LRRC4C: variants seen among roughly 807,000 people sequenced by gnomAD.
The protein encoded by LRRC4C is leucine rich repeat containing 4C.
A neutral mutation model predicts 33.6 loss-of-function variants in LRRC4C; 5 were observed. The observed-to-expected ratio is 0.15, with a 90% confidence interval of 0.08 to 0.31. The LOEUF is 0.31. Ranked by LOEUF, LRRC4C falls within the 10% of genes least tolerant of loss-of-function variation. LRRC4C has a pLI of 1.00. For synonymous variants in LRRC4C, 329 were observed against 302.0 expected (o/e 1.09, Z -0.93); for missense variants, 560 against 796.7 (o/e 0.70, Z 3.58).
rs117627598 is a variant in LRRC4C at position 40,221,516 on chromosome 11, C to T, written c.-96+20003G>A. On this transcript the variant is annotated intron_variant, in intron 5 of 6. Coordinates refer to ENST00000528697, the MANE Select transcript of LRRC4C (RefSeq NM_001258419.2). ...TAGATACCATTTCCATTTCTTCATT[C>T]AGTCCACAGATACTTATTTAGCCAG... Among the ~76,000 whole-genome samples the T allele has an allele frequency of 1.7e-3, 260 of 152,306 alleles. 2 individuals are homozygous for T. Among genetic ancestry groups the T allele is most frequent in the Non-Finnish European group, 2.1e-3 (140 of 68,022 alleles).
At chr11:40,797,768 C>T (rs892289309) in intron 2 of LRRC4C, among the ~76,000 whole-genome samples, 3 of 152,010 alleles carry the variant, frequency 2.0e-5, no homozygotes, top group African/African-American at 4.8e-5. Context: ...GATGGATTGC[C>T]ATTTAACTTG....
At chr11:40,955,691 G>T (rs944163617) in intron 1 of LRRC4C, among the ~76,000 whole-genome samples, 1 of 151,732 alleles carries the variant, frequency 6.6e-6, no homozygotes, top group Admixed American at 6.6e-5. Context: ...CTCATTAGGA[G>T]TTTATAAAAA....
chr11:40,188,294 T>C (rs780045745), intron 5 of LRRC4C, among the ~76,000 whole-genome samples: 8 of 152,204 alleles, frequency 5.3e-5, no homozygotes, highest in Non-Finnish European at 8.8e-5. Flanking sequence ...TTGCAAAATA[T>C]TTATTCTATT....
intron 3 of LRRC4C, among the ~76,000 whole-genome samples, chr11:40,519,180 G>A (rs921392879): frequency 5.9e-5 from 9 of 151,946 alleles, no homozygotes; most frequent in Admixed American, 5.2e-4. Context: ...CATGGCATGT[G>A]TATACATATG....
chr11:41,145,103 T>C (rs1408947116), intron 1 of LRRC4C, among the ~76,000 whole-genome samples: 2 of 152,138 alleles, frequency 1.3e-5, no homozygotes, highest in African/African-American at 2.4e-5. Context: ...GCAAAGCATA[T>C]AATCACAGCA....
chr11:40,966,028 A>C (rs1042949257), intron 1 of LRRC4C, among the ~76,000 whole-genome samples: 5 of 151,868 alleles, frequency 3.3e-5, no homozygotes, highest in Non-Finnish European at 7.4e-5. Flanking sequence ...ATTTGTTTGT[A>C]TCCTCTTTTA....
intron 2 of LRRC4C, among the ~76,000 whole-genome samples, chr11:40,737,719 G>A (rs1947954477): frequency 1.3e-5 from 2 of 152,106 alleles, no homozygotes; most frequent in Non-Finnish European, 2.9e-5. Context: ...GGAAATAAGA[G>A]AGGACACAAA....
chr11:40,295,205 T>C (rs1944449430), intron 4 of LRRC4C, among the ~76,000 whole-genome samples: 1 of 152,200 alleles, frequency 6.6e-6, no homozygotes, highest in African/African-American at 2.4e-5. Flanking sequence ...CTTTCTCCAA[T>C]GTATAATTTT....
At chr11:41,346,148 T>C (rs934328595) in intron 1 of LRRC4C, among the ~76,000 whole-genome samples, 2 of 152,156 alleles carry the variant, frequency 1.3e-5, no homozygotes, top group Non-Finnish European at 2.9e-5. Flanking sequence ...AGTTTTCATC[T>C]TCCTGGCTTG....
At chr11:40,170,698 G>A (rs1447324981) in intron 5 of LRRC4C, among the ~76,000 whole-genome samples, 1 of 152,182 alleles carries the variant, frequency 6.6e-6, no homozygotes, top group Non-Finnish European at 1.5e-5. Context: ...TCCAAGGTAG[G>A]AGAAAGGAGA....
chr11:40,165,520 A>G (rs1366650705), intron 5 of LRRC4C, among the ~76,000 whole-genome samples: 3 of 152,230 alleles, frequency 2.0e-5, no homozygotes, highest in East Asian at 1.9e-4. Flanking sequence ...ACAGAAAAAC[A>G]ACGACAAAAA....
At chr11:40,311,003 C>A (rs865897846) in intron 4 of LRRC4C, among the ~76,000 whole-genome samples, 1 of 152,182 alleles carries the variant, frequency 6.6e-6, no homozygotes, top group Non-Finnish European at 1.5e-5. Flanking sequence ...TTTAAAGATA[C>A]TGAGGATTCC....
chr11:40,308,198 C>T (rs1243085919), intron 4 of LRRC4C, among the ~76,000 whole-genome samples: 6 of 152,094 alleles, frequency 3.9e-5, no homozygotes, highest in African/African-American at 1.4e-4. Context: ...CACTTTCTCC[C>T]CCACCACACA....
chr11:41,014,287 T>C (rs886563297), intron 1 of LRRC4C, among the ~76,000 whole-genome samples: 6 of 152,062 alleles, frequency 3.9e-5, no homozygotes, highest in African/African-American at 1.2e-4. Context: ...ACTGGGATTA[T>C]ATAAGGTATA....
rs1363227304 is a variant in LRRC4C at position 40,945,067 on chromosome 11, G to T, written c.-495-11344C>A. ...TTTTGAGACGGAGTCTTGCTTTGTC[G>T]CCCGGGCTGGAGCGCAGTGGCGCGA... On this transcript the variant is annotated intron_variant, in intron 1 of 6. Transcript: ENST00000528697. Among the ~76,000 whole-genome samples the T allele has an allele frequency of 4.7e-5, 6 of 129,032 alleles. No individual in the cohort carries two copies. The South Asian group carries it at 1.2e-3, about 25-fold the overall frequency. 84.7% of individuals were successfully genotyped at this position (129,032 alleles called of 152,430 possible).
At chr11:41,222,887 T>C (rs1034522051) in intron 1 of LRRC4C, 1 of 151,180 alleles carries the variant, frequency 6.6e-6, no homozygotes, top group African/African-American at 2.4e-5. Context: ...GTGTGTACTT[T>C]CAGGGCATTC....
At chr11:40,246,880 AT>A (rs941682542) in intron 4 of LRRC4C, among the ~76,000 whole-genome samples, 3 of 152,180 alleles carry the variant, frequency 2.0e-5, no homozygotes, top group African/African-American at 7.2e-5. Context: ...AGAAAAAATA[AT>A]TTGTTTACTA....
chr11:40,848,244 T>C (rs1953294782), intron 2 of LRRC4C, among the ~76,000 whole-genome samples: 1 of 152,184 alleles, frequency 6.6e-6, no homozygotes, highest in African/African-American at 2.4e-5. Context: ...GATGTTAGCG[T>C]GTCGATTTTA....
chr11:40,929,750 T>C (rs1359788357), intron 2 of LRRC4C, among the ~76,000 whole-genome samples: 1 of 150,656 alleles, frequency 6.6e-6, no homozygotes, highest in East Asian at 1.9e-4. Flanking sequence ...GAGTAGCTAG[T>C]TATTCAATTC....
Sources: allele counts gnomAD v4.1 joint callset (sites outside exome capture counted in the v4.1 genomes callset), GRCh38; gene constraint gnomAD v4.1.1; transcripts MANE v1.5; gene names NCBI Gene and HGNC (gene_info 2026-07-23, HGNC 2026-07-21).